The following BPI variants were observed in gnomAD, a reference collection of about 807,000 sequenced individuals.
BPI encodes the protein bactericidal permeability-increasing protein.
In BPI, 48 loss-of-function variants were observed where a neutral mutation model predicts 57.6. That is an observed-to-expected ratio of 0.83 (90% CI 0.66 to 1.06). BPI has a LOEUF of 1.06. BPI is among the 50% of genes least tolerant of loss of function. The probability of loss-of-function intolerance (pLI) is 0.00; values close to 1 mark genes in which losing one functional copy is unlikely to be tolerated. For missense variants in BPI, 651 were observed against 609.7 expected (o/e 1.07, Z -0.71); for synonymous variants, 237 against 238.2 (o/e 0.99, Z 0.05).
At chr20:38,307,865 C>T (rs527856222) in intron 2 of BPI, among the ~76,000 whole-genome samples, 184 bp downstream of exon 2, 131 of 152,292 alleles carry the variant, frequency 8.6e-4, no homozygotes, top group African/African-American at 2.9e-3. Context: ...ACAAAAACCA[C>T]GACTCCCAGG....
intron 2 of BPI, among the ~76,000 whole-genome samples, chr20:38,308,199 C>T (rs1215824191): frequency 6.6e-6 from 1 of 152,194 alleles, no homozygotes; most frequent in African/African-American, 2.4e-5. Context: ...AGCCCTAAGA[C>T]TCACTCTGAC....
intron 1 of BPI, 95 bp downstream of exon 1, chr20:38,304,448 C>G: frequency 6.7e-7 from 1 of 1,483,720 alleles, no homozygotes; most frequent in Non-Finnish European, 9.0e-7. Context: ...ACCTGGCACA[C>G]TCATAGCACC....
At chr20:38,330,255 A>C (rs2076735706) in intron 11 of BPI, among the ~76,000 whole-genome samples, 1 of 152,142 alleles carries the variant, frequency 6.6e-6, no homozygotes, top group Non-Finnish European at 1.5e-5. Context: ...AGAAGAAAAA[A>C]AAAAGCAAAC....
rs555976730 is a variant in BPI at position 38,330,315 on chromosome 20, C to T, written c.1230-733C>T. Among the ~76,000 whole-genome samples the T allele has an allele frequency of 7.2e-5, 11 of 152,238 alleles. No individual in the cohort carries two copies. The South Asian group carries it at 1.7e-3, about 23-fold the overall frequency. Reference sequence around the variant, plus strand: ...GTGACCTTGGACCATTGTTTGATCTCTGAGTATGTTTCCTCATCTGTAAAA... The same window carrying T: ...GTGACCTTGGACCATTGTTTGATCTTTGAGTATGTTTCCTCATCTGTAAAA... On this transcript the variant is annotated intron_variant, in intron 11 of 14. Coordinates refer to ENST00000642449, the MANE Select transcript of BPI (RefSeq NM_001725.3).
intron 1 of BPI, among the ~76,000 whole-genome samples, chr20:38,306,288 G>T (rs547260047): frequency 6.6e-6 from 1 of 152,258 alleles, no homozygotes; most frequent in East Asian, 1.9e-4. Context: ...ACTTGCCTTG[G>T]CTTTCCAAAG....
intron 3 of BPI, 69 bp from the exon 4 acceptor site, chr20:38,310,422 A>G: frequency 6.4e-7 from 1 of 1,563,072 alleles, no homozygotes; most frequent in Non-Finnish European, 8.7e-7. Context: ...GCCTTCCAGC[A>G]CTGGGGCAAA....
At chr20:38,335,431 G>T in intron 13 of BPI, 167 bp from the exon 14 acceptor site, 1 of 641,048 alleles carries the variant, frequency 1.6e-6, no homozygotes, top group Admixed American at 2.6e-5. Context: ...TGGGAGGTAC[G>T]GACTCTGGGG....
At chr20:38,321,948 A>G (rs1206791480) in intron 7 of BPI, 2 of 152,216 alleles carry the variant, frequency 1.3e-5, no homozygotes, top group East Asian at 3.8e-4. Flanking sequence ...AAACAGGAAA[A>G]AATGCACACA....
intron 5 of BPI, chr20:38,317,566 C>T: frequency 2.9e-6 from 2 of 696,684 alleles, no homozygotes; most frequent in Non-Finnish European, 5.3e-6. Context: ...GGGTTCTGCA[C>T]AGCCTTTTAT....
chr20:38,334,296 A>T (rs1023909934), intron 12 of BPI, 134 bp from the exon 13 acceptor site: 14 of 813,052 alleles, frequency 1.7e-5, no homozygotes, highest in South Asian at 1.5e-5. Flanking sequence ...ACCTCTCAGC[A>T]GTTTTCCCAA....
chr20:38,326,495 G>A lies in BPI; in HGVS notation c.1161+63G>A, dbSNP rs1600710422. On this transcript the variant is annotated intron_variant, in intron 10 of 14. Transcript: ENST00000642449. ...GACAGTCCCAACAGCACTGTCTTTG[G>A]AGTCAGGAGACCATGTGAATCCTGT... is the stretch of plus-strand genomic sequence containing the variant. 2.7e-6 allele frequency: 4 copies of A among 1,493,248 alleles called. No homozygotes were observed. In the East Asian group the frequency reaches 9.7e-5, roughly 36 times the overall value. 92.5% of individuals were successfully genotyped at this position (1,493,248 alleles called of 1,614,324 possible).
intron 3 of BPI, among the ~76,000 whole-genome samples, 193 bp from the exon 4 acceptor site, chr20:38,310,298 C>T (rs2122498169): frequency 6.6e-6 from 1 of 152,296 alleles, no homozygotes; most frequent in Non-Finnish European, 1.5e-5. Context: ...ACATGAGTTC[C>T]GAATTCAGGT....
intron 5 of BPI, chr20:38,317,535 G>A: frequency 1.5e-6 from 1 of 649,078 alleles, no homozygotes; most frequent in Non-Finnish European, 2.8e-6. Context: ...CACAGGGCTT[G>A]GGCTTCTCGT....
chr20:38,309,934 A>G (rs2076614293), intron 3 of BPI, among the ~76,000 whole-genome samples: 2 of 152,140 alleles, frequency 1.3e-5, no homozygotes, highest in African/African-American at 4.8e-5. Flanking sequence ...TCTCCTCCCC[A>G]CAATAAGAAT....
chr20:38,311,653 A>C (rs2076622432), intron 4 of BPI, among the ~76,000 whole-genome samples: 1 of 152,128 alleles, frequency 6.6e-6, no homozygotes, highest in Non-Finnish European at 1.5e-5. Flanking sequence ...TGAGACTGGG[A>C]CGGGGGCCCA....
At chr20:38,313,055 T>A (rs1474117116) in intron 5 of BPI, among the ~76,000 whole-genome samples, 1 of 152,172 alleles carries the variant, frequency 6.6e-6, no homozygotes, top group Non-Finnish European at 1.5e-5. Context: ...AGGAAATTAC[T>A]TGACCTTCTT....
chr20:38,326,921 G>A (rs2076716351), intron 10 of BPI, among the ~76,000 whole-genome samples: 1 of 151,994 alleles, frequency 6.6e-6, no homozygotes, highest in Non-Finnish European at 1.5e-5. Flanking sequence ...TTGTATATTT[G>A]TTCATTTATT....
intron 7 of BPI, 128 bp downstream of exon 7, chr20:38,320,402 C>G: frequency 2.6e-6 from 2 of 767,376 alleles, no homozygotes; most frequent in South Asian, 1.8e-5. Context: ...ACCCTCTCTA[C>G]TCTCCCCGCC....
At chr20:38,321,106 T>C (rs993154787) in intron 7 of BPI, among the ~76,000 whole-genome samples, 1 of 34,252 alleles carries the variant, frequency 2.9e-5, no homozygotes, top group Non-Finnish European at 5.5e-5. Context: ...GGTAGATGAG[T>C]GGGCGGGTAG....
Sources: allele counts gnomAD v4.1 joint callset (sites outside exome capture counted in the v4.1 genomes callset), GRCh38; gene constraint gnomAD v4.1.1; transcripts MANE v1.5; gene names NCBI Gene and HGNC (gene_info 2026-07-23, HGNC 2026-07-21).